MPPED1: variants seen among roughly 807,000 people sequenced by gnomAD.
The protein encoded by MPPED1 is metallophosphoesterase domain-containing protein 1.
MPPED1 carries 16 observed loss-of-function variants against 36.2 expected under a neutral mutation model. The observed-to-expected ratio is 0.44, with a 90% CI of 0.30 to 0.67. The LOEUF is 0.67. MPPED1 is among the 30% of genes least tolerant of loss of function. The pLI is 0.10. For missense variants in MPPED1, 307 were observed against 453.4 expected (o/e 0.68, Z 2.93); for synonymous variants, 199 against 191.3 (o/e 1.04, Z -0.33).
At chr22:43,433,767 A>T (rs1020764255) in intron 2 of MPPED1, among the ~76,000 whole-genome samples, 1 of 152,232 alleles carries the variant, frequency 6.6e-6, no homozygotes, top group African/African-American at 2.4e-5. Context: ...TCTGAAAAAA[A>T]AAAAAGGATA....
intron 3 of MPPED1, among the ~76,000 whole-genome samples, chr22:43,463,331 C>CTTTTTTTTTTTTTTTTTTTTTTTTTT (rs3047468): frequency 8.3e-6 from 1 of 121,066 alleles, no homozygotes; most frequent in Non-Finnish European, 1.7e-5. Context: ...ATGATTTTTT[C>CTTTTTTTTTTTTTTTTTTTTTTTTTT]TTTTTTTTTT....
At chr22:43,464,816 AC>A (rs1392812107) in intron 3 of MPPED1, among the ~76,000 whole-genome samples, 2 of 152,176 alleles carry the variant, frequency 1.3e-5, no homozygotes, top group African/African-American at 4.8e-5. Flanking sequence ...AAGCCAGTCT[AC>A]CCATCCATCT....
chr22:43,485,982 C>G (rs1342947068), intron 4 of MPPED1, among the ~76,000 whole-genome samples: 1 of 152,232 alleles, frequency 6.6e-6, no homozygotes, highest in Admixed American at 6.5e-5. Context: ...CCCCTGCTGT[C>G]CATCTCCCCC....
Position 43,460,804 on chromosome 22 carries a change from TTCAAGG to T in MPPED1, c.407-13928_407-13923del, listed in dbSNP as rs546660910. Among the ~76,000 whole-genome samples the T allele has an allele frequency of 3.1e-4, 47 of 152,242 alleles. 3 individuals carry two copies. In the South Asian group the frequency reaches 9.6e-3, roughly 31 times the overall value. ...AAAAGCCTTCACTTCTTGCATGTGC[TTCAAGG>T]TCATTCTGAGGTGAGTGATGAGGGC... On this transcript the variant is annotated intron_variant, in intron 3 of 6. Coordinates refer to ENST00000443721, the MANE Select transcript of MPPED1 (RefSeq NM_001044370.2).
intron 3 of MPPED1, among the ~76,000 whole-genome samples, chr22:43,450,156 C>A (rs528239283): frequency 6.6e-6 from 1 of 152,212 alleles, no homozygotes; most frequent in Admixed American, 6.5e-5. Context: ...GCTTCTGGAG[C>A]CTTCCCCATT....
At chr22:43,479,139 G>A (rs1025184571) in intron 4 of MPPED1, among the ~76,000 whole-genome samples, 10 of 152,154 alleles carry the variant, frequency 6.6e-5, no homozygotes, top group African/African-American at 2.2e-4. Context: ...CCCTGGCGCC[G>A]GCCACCCGGG....
At chr22:43,464,720 C>T (rs1931101565) in intron 3 of MPPED1, among the ~76,000 whole-genome samples, 1 of 152,218 alleles carries the variant, frequency 6.6e-6, no homozygotes, top group South Asian at 2.1e-4. Context: ...CCCTGGGACT[C>T]TGGCCACAGC....
chr22:43,462,497 A>G (rs1359686040), intron 3 of MPPED1, among the ~76,000 whole-genome samples: 1 of 152,190 alleles, frequency 6.6e-6, no homozygotes, highest in Non-Finnish European at 1.5e-5. Context: ...TTAGAGATTT[A>G]GCTTCCCCAC....
At chr22:43,437,395 C>A (rs969928739) in intron 3 of MPPED1, among the ~76,000 whole-genome samples, 1 of 152,176 alleles carries the variant, frequency 6.6e-6, no homozygotes, top group African/African-American at 2.4e-5. Flanking sequence ...ATTATCATTC[C>A]CATTTTACAG....
At chr22:43,440,855 G>T (rs562924005) in intron 3 of MPPED1, among the ~76,000 whole-genome samples, 306 of 152,246 alleles carry the variant, frequency 2.0e-3, no homozygotes, top group Middle Eastern at 3.4e-3. Context: ...CTGGATGCAG[G>T]TTCCTCTAGT....
intron 4 of MPPED1, among the ~76,000 whole-genome samples, chr22:43,489,034 T>C (rs79821063): frequency 0.025 from 3,832 of 152,248 alleles, 170 homozygotes; most frequent in African/African-American, 0.087. Context: ...GGGGTGGGCT[T>C]GATCAGGGCT....
At chr22:43,500,316 G>GTGGTGA (rs1932671579) in intron 5 of MPPED1, among the ~76,000 whole-genome samples, 1 of 144,910 alleles carries the variant, frequency 6.9e-6, no homozygotes. Context: ...GGTGATGGAG[G>GTGGTGA]TGGTGATGGT....
chr22:43,492,751 G>A (rs974476145), intron 4 of MPPED1, among the ~76,000 whole-genome samples: 5 of 152,130 alleles, frequency 3.3e-5, no homozygotes, highest in African/African-American at 7.2e-5. Flanking sequence ...CCCAAGAACC[G>A]GGCAGGAGCG....
chr22:43,504,030 A>C (rs1407625330), intron 6 of MPPED1, among the ~76,000 whole-genome samples: 1 of 152,172 alleles, frequency 6.6e-6, no homozygotes, highest in Admixed American at 6.5e-5. Context: ...AAAGTACATG[A>C]CAATGATGAT....
chr22:43,454,987 G>A (rs1036957550), intron 3 of MPPED1, among the ~76,000 whole-genome samples: 2 of 152,172 alleles, frequency 1.3e-5, no homozygotes, highest in South Asian at 2.1e-4. Context: ...TCCCAGTTCT[G>A]GAGGCCAGAA....
chr22:43,444,483 C>T (rs1930267217), intron 3 of MPPED1, among the ~76,000 whole-genome samples: 1 of 151,104 alleles, frequency 6.6e-6, no homozygotes, highest in Non-Finnish European at 1.5e-5. Context: ...TCTCCTGCCT[C>T]AGCCTCCCGA....
At chr22:43,458,290 C>CT (rs200720175) in intron 3 of MPPED1, among the ~76,000 whole-genome samples, 120 of 146,540 alleles carry the variant, frequency 8.2e-4, no homozygotes, top group Middle Eastern at 3.5e-3. Flanking sequence ...ATTGTACTGT[C>CT]TTTTTTTTTT....
chr22:43,437,913 C>T (rs74996090), intron 3 of MPPED1, among the ~76,000 whole-genome samples: 1 of 152,140 alleles, frequency 6.6e-6, no homozygotes, highest in Non-Finnish European at 1.5e-5. Context: ...TGGAACAACA[C>T]ATGTGTTACA....
At chr22:43,497,070 AG>A (rs1932436014) in intron 4 of MPPED1, among the ~76,000 whole-genome samples, 1 of 84,474 alleles carries the variant, frequency 1.2e-5, no homozygotes, top group Admixed American at 1.1e-4. Flanking sequence ...GTGGTGGTGG[AG>A]GTGGTGGTGG....
Sources: gnomAD v4.1 joint callset for allele counts (sites outside exome capture counted in the v4.1 genomes callset) on GRCh38, gnomAD v4.1.1 for gene constraint, MANE v1.5 for transcripts, NCBI Gene and HGNC (gene_info 2026-07-23, HGNC 2026-07-21) for gene names.